The following PTPRD variants were observed in gnomAD, a reference collection of about 807,000 sequenced individuals.
PTPRD encodes receptor-type tyrosine-protein phosphatase delta.
PTPRD carries 34 observed loss-of-function variants against 214.5 expected under a neutral mutation model. The ratio of observed to expected loss-of-function variants is 0.16; its 90% CI spans 0.12 to 0.21. The LOEUF (loss-of-function observed/expected upper bound fraction) is 0.21. PTPRD is among the 10% of genes least tolerant of loss of function. PTPRD has a pLI of 1.00. For synonymous variants in PTPRD, 1,128 were observed against 845.7 expected, an observed-to-expected ratio of 1.33 and a Z score of -5.79; for missense variants, 2,545 against 2,398.7, an observed-to-expected ratio of 1.06 and a Z score of -1.27.
At chr9:10,190,660 G>C (rs906569243) in intron 3 of PTPRD, among the ~76,000 whole-genome samples, 4 of 130,866 alleles carry the variant, frequency 3.1e-5, no homozygotes, top group African/African-American at 1.2e-4. Context: ...AGAAAGTACA[G>C]TAAGCCAAGA....
intron 11 of PTPRD, among the ~76,000 whole-genome samples, chr9:8,895,816 T>A (rs576840430): frequency 6.6e-6 from 1 of 152,162 alleles, no homozygotes; most frequent in Non-Finnish European, 1.5e-5. Context: ...TCATATATCA[T>A]AAAGCTAAAG....
intron 12 of PTPRD, among the ~76,000 whole-genome samples, chr9:8,663,240 G>GTT (rs5896252): frequency 1.4e-5 from 2 of 144,558 alleles, no homozygotes; most frequent in Admixed American, 6.9e-5. Context: ...CAAGAATCTT[G>GTT]TTTTTTTTCT....
At chr9:10,527,481 T>C (rs1358933208) in intron 2 of PTPRD, among the ~76,000 whole-genome samples, 1 of 152,174 alleles carries the variant, frequency 6.6e-6, no homozygotes, top group Non-Finnish European at 1.5e-5. Context: ...TTAGGTAGAC[T>C]GGAAGAAGAC....
At chr9:9,878,326 A>G (rs533864831) in intron 5 of PTPRD, among the ~76,000 whole-genome samples, 1 of 152,274 alleles carries the variant, frequency 6.6e-6, no homozygotes, top group Non-Finnish European at 1.5e-5. Flanking sequence ...CCAAGAGCTT[A>G]CATTGTAGTG....
intron 7 of PTPRD, among the ~76,000 whole-genome samples, chr9:9,623,421 A>G (rs1400357351): frequency 6.6e-6 from 1 of 152,202 alleles, no homozygotes; most frequent in Non-Finnish European, 1.5e-5. Context: ...ATTCAGAAGC[A>G]TGCAGTATAA....
At chr9:9,524,871 T>C (rs1317215674) in intron 8 of PTPRD, among the ~76,000 whole-genome samples, 1 of 152,216 alleles carries the variant, frequency 6.6e-6, no homozygotes. Context: ...GTTTGTTTGT[T>C]TGTTGAGACG....
At chr9:9,708,716 T>A (rs1333819805) in intron 7 of PTPRD, among the ~76,000 whole-genome samples, 2 of 152,090 alleles carry the variant, frequency 1.3e-5, no homozygotes, top group African/African-American at 4.8e-5. Flanking sequence ...ACCCGTCAGA[T>A]AACTCTTGAT....
intron 11 of PTPRD, among the ~76,000 whole-genome samples, chr9:8,969,383 A>G (rs138746556): frequency 6.6e-6 from 1 of 152,206 alleles, no homozygotes; most frequent in African/African-American, 2.4e-5. Flanking sequence ...TATATTCCAT[A>G]TAAACTTTTC....
At chr9:9,372,968 A>G (rs1235664003) in intron 9 of PTPRD, among the ~76,000 whole-genome samples, 1 of 152,040 alleles carries the variant, frequency 6.6e-6, no homozygotes, top group Non-Finnish European at 1.5e-5. Flanking sequence ...TTACCCCACA[A>G]AAAATACCAG....
At chr9:8,339,184 A>C in intron 42 of PTPRD, 137 bp from the exon 43 acceptor site, 2 of 866,668 alleles carry the variant, frequency 2.3e-6, no homozygotes, top group Non-Finnish European at 3.3e-6. Flanking sequence ...TTCCAATTGC[A>C]TATGACTCAT....
intron 11 of PTPRD, among the ~76,000 whole-genome samples, chr9:8,904,182 G>A (rs990753433): frequency 2.6e-5 from 4 of 151,950 alleles, no homozygotes; most frequent in Non-Finnish European, 2.9e-5. Flanking sequence ...TTTAGTCATC[G>A]TGGCACTTTA....
chr9:10,552,348 A>T (rs1178847082), intron 2 of PTPRD, among the ~76,000 whole-genome samples: 1 of 152,156 alleles, frequency 6.6e-6, no homozygotes, highest in Admixed American at 6.6e-5. Flanking sequence ...ATGCTTTTGG[A>T]TACCTATTGC....
At chr9:9,310,264 C>T (rs113105191) in intron 9 of PTPRD, among the ~76,000 whole-genome samples, 2,232 of 152,134 alleles carry the variant, frequency 0.015, 27 homozygotes, top group Middle Eastern at 0.068. Context: ...TAGCATGTGC[C>T]ATAGTGGGGG....
intron 7 of PTPRD, among the ~76,000 whole-genome samples, chr9:9,733,697 G>T (rs1379168470): frequency 6.6e-6 from 1 of 152,086 alleles, no homozygotes; most frequent in Non-Finnish European, 1.5e-5. Context: ...CTCATTCTTG[G>T]TTCAGTATTA....
At chr9:8,967,467 T>C (rs963749296) in intron 11 of PTPRD, among the ~76,000 whole-genome samples, 1 of 152,074 alleles carries the variant, frequency 6.6e-6, no homozygotes, top group Non-Finnish European at 1.5e-5. Flanking sequence ...GTGGTACATA[T>C]ATACCATGGA....
At chr9:8,361,697 A>C (rs2078526400) in intron 39 of PTPRD, among the ~76,000 whole-genome samples, 2 of 152,224 alleles carry the variant, frequency 1.3e-5, no homozygotes, top group Non-Finnish European at 2.9e-5. Flanking sequence ...TTTAACAAAC[A>C]CTGCCTGGAA....
chr9:9,444,338 A>G (rs1171350119), intron 8 of PTPRD, among the ~76,000 whole-genome samples: 2 of 152,178 alleles, frequency 1.3e-5, no homozygotes, highest in Non-Finnish European at 2.9e-5. Context: ...AAGATTTGAT[A>G]TCTATTTTTT....
intron 4 of PTPRD, among the ~76,000 whole-genome samples, chr9:9,941,150 G>A (rs944076619): frequency 4.6e-5 from 7 of 152,142 alleles, no homozygotes; most frequent in Middle Eastern, 3.2e-3. Context: ...ATTCAAAGCC[G>A]TCCTGGGCCG....
At chr9:10,434,932 G>C (rs1480206019) in intron 2 of PTPRD, among the ~76,000 whole-genome samples, 1 of 151,822 alleles carries the variant, frequency 6.6e-6, no homozygotes, top group Non-Finnish European at 1.5e-5. Context: ...TTCATGCACT[G>C]AGTGAGGTAC....
Sources: gnomAD v4.1 joint callset for allele counts (sites outside exome capture counted in the v4.1 genomes callset) on GRCh38, gnomAD v4.1.1 for gene constraint, MANE v1.5 for transcripts, NCBI Gene and HGNC (gene_info 2026-07-23, HGNC 2026-07-21) for gene names.